The following SLC39A10 variants were observed in gnomAD, a reference collection of about 807,000 sequenced individuals.
SLC39A10 encodes solute carrier family 39 member 10.
In SLC39A10, 13 loss-of-function variants were observed where a neutral mutation model predicts 65.1. That is an observed-to-expected ratio of 0.20 (90% CI 0.13 to 0.32). The LOEUF (loss-of-function observed/expected upper bound fraction) is 0.32, where lower values mean the gene tolerates loss of function less well. Among genes scored for constraint, SLC39A10 ranks in the 10% least tolerant of loss-of-function variants. The pLI is 1.00. For missense variants in SLC39A10, 831 were observed against 1,018.4 expected (o/e 0.82, Z 2.50); for synonymous variants, 321 against 342.2 (o/e 0.94, Z 0.68).
At chr2:195,625,877 A>T (rs1254081275) in intron 2 of SLC39A10, among the ~76,000 whole-genome samples, 2 of 152,110 alleles carry the variant, frequency 1.3e-5, no homozygotes, top group African/African-American at 4.8e-5. Flanking sequence ...CACAATCTCC[A>T]GGGATCGAGC....
intron 5 of SLC39A10, among the ~76,000 whole-genome samples, chr2:195,712,385 T>A (rs1234199712): frequency 6.6e-6 from 1 of 152,246 alleles, no homozygotes. Context: ...AGCAGAATGC[T>A]CATACAGGGA....
chr2:195,736,674 ATTTC>A lies in SLC39A10; in HGVS notation c.*1637_*1640del, dbSNP rs1242109468. On this transcript the variant is annotated 3_prime_UTR_variant, in exon 10 of 10. Coordinates refer to ENST00000359634, the MANE Select transcript of SLC39A10 (RefSeq NM_020342.3). ...CTATAAGCAAGGGAGCTTAGGTGTT[ATTTC>A]TTTAATTTATGCTTGAATCTGAAAA... The A allele has an allele frequency of 4.6e-5, 7 of 152,178 alleles. No homozygotes were observed. The highest frequency in any genetic ancestry group is 1.3e-4 in the Admixed American group (2 of 15,258). 9.4% of individuals were successfully genotyped at this position (152,178 alleles called of 1,614,324 possible). A position where few individuals can be genotyped will look rare whatever the true frequency, so the allele number is the denominator to read the frequency against.
rs1398339811 is a variant in SLC39A10, at chr2:195,716,870, C to G, written c.1930C>G (p.His644Asp). ...TVLRKHNHQWHHKHSHHSHGP... is the reference protein window; with the variant it reads ...TVLRKHNHQWDHKHSHHSHGP... ...GCTGAGGAAGCATAATCACCAGTGGCACCACAAGCATTCTCATCATTCCCA... is the reference window on the plus strand; with the variant it reads ...GCTGAGGAAGCATAATCACCAGTGGGACCACAAGCATTCTCATCATTCCCA... The change falls in exon 7 of 10, where the codon CAC (histidine) becomes GAC (aspartate). Residue 644 changes from histidine to aspartate, a missense_variant. Transcript: ENST00000359634. 1.2e-6 allele frequency: 2 copies of G among 1,614,050 alleles called. No homozygotes were observed. Among genetic ancestry groups the G allele is most frequent in the Non-Finnish European group, 1.7e-6 (2 of 1,180,034 alleles).
chr2:195,651,463 C>T (rs1272570670), intron 2 of SLC39A10, among the ~76,000 whole-genome samples: 1 of 151,986 alleles, frequency 6.6e-6, no homozygotes, highest in Non-Finnish European at 1.5e-5. Flanking sequence ...ATATTGCTGA[C>T]ATCTTCCTTT....
chr2:195,721,471 T>C lies in SLC39A10; in HGVS notation c.2146+3139T>C, dbSNP rs540158314. ...AATCTTCAACTTTATTACTGTCTTTTACCTCATGCCTTGGATTACTGTTTC... is the reference window on the plus strand; with the variant it reads ...AATCTTCAACTTTATTACTGTCTTTCACCTCATGCCTTGGATTACTGTTTC... On this transcript the variant is annotated intron_variant, in intron 8 of 9. Transcript: ENST00000359634. 2.4e-4 allele frequency among the ~76,000 whole-genome samples: 37 copies of C among 152,294 alleles called. No individual in the cohort carries two copies. The South Asian group carries it at 7.7e-3, about 32-fold the overall frequency.
intron 3 of SLC39A10, among the ~76,000 whole-genome samples, chr2:195,703,977 A>G (rs1015536822): frequency 2.6e-5 from 4 of 152,132 alleles, no homozygotes; most frequent in African/African-American, 9.7e-5. Context: ...TTACTGGGTA[A>G]TTTTGGTGAC....
intron 3 of SLC39A10, among the ~76,000 whole-genome samples, chr2:195,705,778 A>G (rs191695247): frequency 1.2e-4 from 18 of 152,308 alleles, no homozygotes; most frequent in South Asian, 8.3e-4. Flanking sequence ...TTTTAGGCCA[A>G]TAATAGAAAT....
intron 1 of SLC39A10, among the ~76,000 whole-genome samples, chr2:195,662,529 C>T (rs190165105): frequency 5.9e-5 from 9 of 152,220 alleles, no homozygotes; most frequent in Admixed American, 3.3e-4. Flanking sequence ...CTGCCTTGGC[C>T]TCTTGAAGTG....
At chr2:195,619,856 C>G (rs1045287662) in intron 2 of SLC39A10, among the ~76,000 whole-genome samples, 4 of 152,130 alleles carry the variant, frequency 2.6e-5, no homozygotes, top group African/African-American at 9.7e-5. Flanking sequence ...ATACTATGTC[C>G]AAGTGTGGCC....
At chr2:195,616,689 C>T (rs992361911) in intron 2 of SLC39A10, among the ~76,000 whole-genome samples, 4 of 149,396 alleles carry the variant, frequency 2.7e-5, no homozygotes, top group Admixed American at 1.3e-4. Context: ...CTGCAAGCTC[C>T]GCCTCCCAGG....
intron 8 of SLC39A10, among the ~76,000 whole-genome samples, chr2:195,720,308 T>C (rs1334578801): frequency 6.6e-6 from 1 of 152,266 alleles, no homozygotes; most frequent in Non-Finnish European, 1.5e-5. Flanking sequence ...TTTACCAATT[T>C]AGTTTCTCTC....
At chr2:195,636,765 T>C (rs1166913785) in intron 2 of SLC39A10, among the ~76,000 whole-genome samples, 2 of 150,970 alleles carry the variant, frequency 1.3e-5, no homozygotes, top group Non-Finnish European at 3.0e-5. Context: ...GAAAAAAAAT[T>C]AAAAAGTTTT....
At chr2:195,713,798 A>G (rs959793930) in intron 6 of SLC39A10, among the ~76,000 whole-genome samples, 8 of 152,220 alleles carry the variant, frequency 5.3e-5, no homozygotes, top group Non-Finnish European at 1.0e-4. Context: ...GAGCAAACAC[A>G]TAGATGAACC....
intron 3 of SLC39A10, among the ~76,000 whole-genome samples, chr2:195,701,416 A>T: frequency 3.9e-5 from 2 of 50,768 alleles, no homozygotes; most frequent in East Asian, 4.5e-4. Context: ...GGTCTTTTTC[A>T]GGGACAGTTT....
At chr2:195,707,643 A>G (rs1373015333) in intron 4 of SLC39A10, among the ~76,000 whole-genome samples, 1 of 151,884 alleles carries the variant, frequency 6.6e-6, no homozygotes, top group Non-Finnish European at 1.5e-5. Context: ...GTGAATATGA[A>G]GTTTTTGTTT....
intron 1 of SLC39A10, among the ~76,000 whole-genome samples, chr2:195,668,069 C>G (rs1164304198): frequency 1.3e-5 from 2 of 152,168 alleles, no homozygotes; most frequent in Non-Finnish European, 1.5e-5. Context: ...AGTCAGATCT[C>G]TAACATCTTT....
chr2:195,658,692 A>G (rs1689263077), intron 1 of SLC39A10: 1 of 152,170 alleles, frequency 6.6e-6, no homozygotes, highest in African/African-American at 2.4e-5. Context: ...TTAGGACTCT[A>G]TTGTACAAAT....
At position 195,719,705 on chromosome 2, in the gene SLC39A10, T is replaced by C. The variant is rs188621658; in HGVS notation, c.2146+1373T>C. ...TGATCTTGACTCACTTCAGCCTCTG[T>C]CCCCTGGGTTCAAGCGATTCTCATG... On this transcript the variant is annotated intron_variant, in intron 8 of 9. Transcript: ENST00000359634. Among the ~76,000 whole-genome samples, 9 of 151,514 alleles carry C rather than the reference T, an allele frequency of 5.9e-5. No homozygotes were observed. The East Asian group carries it at 1.4e-3, about 23-fold the overall frequency.
chr2:195,658,412 CAA>C (rs1308269880), intron 1 of SLC39A10: 1 of 152,042 alleles, frequency 6.6e-6, no homozygotes, highest in African/African-American at 2.4e-5. Flanking sequence ...TAGAAAAAAA[CAA>C]AAAGTATGGT....
Sources: gnomAD v4.1 joint callset for allele counts (sites outside exome capture counted in the v4.1 genomes callset) on GRCh38, gnomAD v4.1.1 for gene constraint, MANE v1.5 for transcripts, NCBI Gene and HGNC (gene_info 2026-07-23, HGNC 2026-07-21) for gene names.